CNTN4: variants seen among roughly 807,000 people sequenced by gnomAD.
The protein encoded by CNTN4 is contactin-4.
In CNTN4, 77 loss-of-function variants were observed where a neutral mutation model predicts 122.5. The ratio of observed to expected loss-of-function variants is 0.63; its 90% CI spans 0.52 to 0.76. The LOEUF (loss-of-function observed/expected upper bound fraction) is 0.76. Among genes scored for constraint, CNTN4 ranks in the 30% least tolerant of loss-of-function variants. The pLI, the probability that CNTN4 is intolerant of heterozygous loss-of-function variation, is 0.00. For missense variants in CNTN4, 1,256 were observed against 1,259.1 expected (o/e 1.00, Z 0.04); for synonymous variants, 512 against 447.0 (o/e 1.15, Z -1.83).
At chr3:2,549,935 T>G (rs1442524228) in intron 3 of CNTN4, among the ~76,000 whole-genome samples, 1 of 152,152 alleles carries the variant, frequency 6.6e-6, no homozygotes, top group East Asian at 1.9e-4. Flanking sequence ...TGGGAGGGTG[T>G]ATGTATCCAG....
At chr3:2,700,934 T>C (rs2086323514) in intron 4 of CNTN4, among the ~76,000 whole-genome samples, 2 of 152,224 alleles carry the variant, frequency 1.3e-5, no homozygotes, top group African/African-American at 4.8e-5. Flanking sequence ...TATTTTTCTC[T>C]TTTTGTTTTT....
intron 3 of CNTN4, among the ~76,000 whole-genome samples, chr3:2,504,426 G>A (rs1694113271): frequency 6.6e-6 from 1 of 152,146 alleles, no homozygotes; most frequent in Admixed American, 6.5e-5. Flanking sequence ...AATGGCATCT[G>A]TTGCCACCAC....
intron 4 of CNTN4, among the ~76,000 whole-genome samples, chr3:2,612,073 A>G (rs2081516196): frequency 6.6e-6 from 1 of 151,058 alleles, no homozygotes; most frequent in Non-Finnish European, 1.5e-5. Context: ...TCTATTATTC[A>G]ACTTAATATA....
At chr3:2,228,401 A>G (rs2149529492) in intron 2 of CNTN4, among the ~76,000 whole-genome samples, 1 of 152,306 alleles carries the variant, frequency 6.6e-6, no homozygotes. Context: ...CATTTGTTTA[A>G]GTATTGGCTG....
At chr3:2,827,345 A>C (rs2093008130) in intron 7 of CNTN4, among the ~76,000 whole-genome samples, 1 of 152,244 alleles carries the variant, frequency 6.6e-6, no homozygotes, top group Non-Finnish European at 1.5e-5. Context: ...ATCTGTTATG[A>C]GGATGAAAAG....
intron 3 of CNTN4, among the ~76,000 whole-genome samples, chr3:2,543,778 T>G (rs75282489): frequency 0.036 from 5,499 of 152,274 alleles, 161 homozygotes; most frequent in African/African-American, 0.076. Context: ...CTCTATTAGT[T>G]AATACATTAT....
At chr3:2,902,807 A>G (rs1409803414) in intron 11 of CNTN4, 69 bp from the exon 12 acceptor site, 5 of 1,519,736 alleles carry the variant, frequency 3.3e-6, no homozygotes, top group Non-Finnish European at 4.5e-6. Flanking sequence ...GATATTACAC[A>G]TGGTAAAATT....
intron 4 of CNTN4, among the ~76,000 whole-genome samples, chr3:2,720,563 T>A (rs574631688): frequency 9.9e-5 from 15 of 152,284 alleles, no homozygotes; most frequent in Non-Finnish European, 2.2e-4. Context: ...AAAAAATTTG[T>A]GTCCATGGTG....
At chr3:2,572,243 G>A (rs1047323320) in intron 4 of CNTN4, among the ~76,000 whole-genome samples, 12 of 152,014 alleles carry the variant, frequency 7.9e-5, no homozygotes, top group Admixed American at 6.6e-4. Context: ...AAAATTAGCC[G>A]GGTGCAGTGG....
At position 2,211,453 on chromosome 3, in the gene CNTN4, G is replaced by A. The variant is rs557669576; in HGVS notation, c.-145+110814G>A. On this transcript the variant is annotated intron_variant, in intron 2 of 24. Coordinates refer to ENST00000418658, the MANE Select transcript of CNTN4 (RefSeq NM_175607.3). Reference sequence around the variant, plus strand: ...AAACTTTTCCTACCGTATGCGTTGTGTAGTTTTATGTCACTCTATGCCCCA... The same window carrying A: ...AAACTTTTCCTACCGTATGCGTTGTATAGTTTTATGTCACTCTATGCCCCA... Among the ~76,000 whole-genome samples the A allele has an allele frequency of 9.9e-5, 15 of 152,214 alleles. No individual in the cohort carries two copies. The South Asian group carries it at 1.7e-3, about 17-fold the overall frequency.
intron 3 of CNTN4, among the ~76,000 whole-genome samples, chr3:2,372,306 C>T (rs1180770455): frequency 1.3e-5 from 2 of 152,132 alleles, no homozygotes; most frequent in Non-Finnish European, 2.9e-5. Context: ...TTGCTGAAAG[C>T]AGATAAACTT....
chr3:2,127,291 G>T (rs989355198), intron 2 of CNTN4, among the ~76,000 whole-genome samples: 1 of 152,110 alleles, frequency 6.6e-6, no homozygotes, highest in African/African-American at 2.4e-5. Context: ...GTCCATCAGA[G>T]AACTTTCAGA....
At chr3:2,631,865 C>CAAAAAAAAAAAAAAAAAAAAA (rs1157671569) in intron 4 of CNTN4, among the ~76,000 whole-genome samples, 2 of 70,166 alleles carry the variant, frequency 2.9e-5, no homozygotes, top group Admixed American at 1.7e-4. Context: ...CGTATCTCTA[C>CAAAAAAAAAAAAAAAAAAAAA]AAAAAAAAAA....
In CNTN4 at chr3:2,298,265, A is replaced by C. The variant is rs72992019; in HGVS notation, c.-144-40913A>C. On this transcript the variant is annotated intron_variant, in intron 2 of 24. Coordinates refer to ENST00000418658, the MANE Select transcript of CNTN4 (RefSeq NM_175607.3). ...AAGGTTCTTGTCGTCTTGTCAGTCG[A>C]ATTAAAATCTAGCCTTAACTTTTTT... 5.7e-3 allele frequency among the ~76,000 whole-genome samples: 865 copies of C among 152,292 alleles called. 3 individuals carry two copies. Among genetic ancestry groups the C allele is most frequent in the Non-Finnish European group, 9.8e-3 (669 of 68,022 alleles).
chr3:2,627,766 T>A (rs2619580), intron 4 of CNTN4, among the ~76,000 whole-genome samples: 4 of 152,050 alleles, frequency 2.6e-5, no homozygotes, highest in Non-Finnish European at 5.9e-5. Flanking sequence ...GTGCTGGGAT[T>A]ACAGGCGTGA....
At chr3:2,897,951 A>G (rs143407890) in intron 10 of CNTN4, among the ~76,000 whole-genome samples, 1 of 152,322 alleles carries the variant, frequency 6.6e-6, no homozygotes, top group African/African-American at 2.4e-5. Context: ...GGAGGGGCTA[A>G]TGATGTGTCT....
chr3:2,493,834 A>G (rs1489539712), intron 3 of CNTN4, among the ~76,000 whole-genome samples: 2 of 152,132 alleles, frequency 1.3e-5, no homozygotes, highest in Non-Finnish European at 2.9e-5. Context: ...TTGTGCTGTC[A>G]TCCTCTTGTT....
At chr3:2,770,337 C>G (rs756099227) in intron 6 of CNTN4, among the ~76,000 whole-genome samples, 2 of 152,154 alleles carry the variant, frequency 1.3e-5, no homozygotes, top group Non-Finnish European at 2.9e-5. Flanking sequence ...CCTCTTCCAT[C>G]TCTTTCTATT....
intron 3 of CNTN4, among the ~76,000 whole-genome samples, chr3:2,553,233 A>G (rs1021005089): frequency 6.6e-6 from 1 of 152,194 alleles, no homozygotes; most frequent in Non-Finnish European, 1.5e-5. Context: ...TTTCAGAGAC[A>G]CAAGAACTGA....
Sources: allele counts gnomAD v4.1 joint callset (sites outside exome capture counted in the v4.1 genomes callset), GRCh38; gene constraint gnomAD v4.1.1; transcripts MANE v1.5; gene names NCBI Gene and HGNC (gene_info 2026-07-23, HGNC 2026-07-21).